Variants in SEC24A observed in about 807,000 individuals in gnomAD.
SEC24A encodes SEC24 homolog A, COPII component, also known as protein transport protein Sec24A.
SEC24A carries 93 observed loss-of-function variants against 129.4 expected under a neutral mutation model. The observed-to-expected ratio is 0.72, with a 90% confidence interval of 0.61 to 0.85. The LOEUF is 0.85. Among genes scored for constraint, SEC24A ranks in the 40% least tolerant of loss-of-function variants. The pLI is 0.00. For synonymous variants in SEC24A, 460 were observed against 467.3 expected, an observed-to-expected ratio of 0.98 and a Z score of 0.20; for missense variants, 1,264 against 1,307.4, an observed-to-expected ratio of 0.97 and a Z score of 0.51.
chr5:134,684,906 C>A (rs1418162189), intron 9 of SEC24A, among the ~76,000 whole-genome samples: 3 of 152,132 alleles, frequency 2.0e-5, no homozygotes, highest in African/African-American at 7.2e-5. Flanking sequence ...TAGAAACTTT[C>A]CTATAGCAGA....
intron 15 of SEC24A, among the ~76,000 whole-genome samples, chr5:134,700,179 C>G (rs1185763411): frequency 6.6e-6 from 1 of 151,614 alleles, no homozygotes; most frequent in Non-Finnish European, 1.5e-5. Flanking sequence ...AAATATTGCT[C>G]TGTAATGGGG....
intron 17 of SEC24A, among the ~76,000 whole-genome samples, chr5:134,706,910 C>T (rs989964191): frequency 2.0e-5 from 3 of 151,984 alleles, no homozygotes; most frequent in African/African-American, 4.8e-5. Flanking sequence ...AGGATGGTCT[C>T]AATCTCTTGA....
At chr5:134,705,091 T>TATATATATATA (rs1491338363) in intron 16 of SEC24A, among the ~76,000 whole-genome samples, 10 of 94,988 alleles carry the variant, frequency 1.1e-4, no homozygotes, top group East Asian at 4.7e-4. Context: ...TATATATATA[T>TATATATATATA]TTTTTTTTTT....
chr5:134,699,852 C>A (rs906104999), intron 15 of SEC24A, among the ~76,000 whole-genome samples: 1 of 151,966 alleles, frequency 6.6e-6, no homozygotes, highest in East Asian at 1.9e-4. Flanking sequence ...AGGTGCCTGA[C>A]ACTACGCCTG....
intron 1 of SEC24A, among the ~76,000 whole-genome samples, chr5:134,653,820 A>G (rs1356590724): frequency 6.6e-6 from 1 of 151,940 alleles, no homozygotes; most frequent in African/African-American, 2.4e-5. Flanking sequence ...ACAATTGCAC[A>G]ACTGCACTAC....
chr5:134,704,003 T>C, intron 16 of SEC24A, 71 bp downstream of exon 16: 2 of 989,692 alleles, frequency 2.0e-6, no homozygotes, highest in Non-Finnish European at 3.1e-6. Flanking sequence ...CAAAATGGGC[T>C]ATAAAATACA....
chr5:134,703,976 G>T, intron 16 of SEC24A, 44 bp downstream of exon 16: 1 of 1,358,234 alleles, frequency 7.4e-7, no homozygotes, highest in Non-Finnish European at 1.0e-6. Flanking sequence ...TTCAAATATT[G>T]TCTGGATTTC....
chr5:134,660,680 C>A (rs114212880), intron 1 of SEC24A, among the ~76,000 whole-genome samples: 2 of 151,740 alleles, frequency 1.3e-5, no homozygotes, highest in African/African-American at 4.8e-5. Flanking sequence ...CTCAGCCCCC[C>A]AAGTAGCTAA....
chr5:134,688,336 T>G (rs1380492723), intron 11 of SEC24A, 37 bp downstream of exon 11: 1 of 1,256,178 alleles, frequency 8.0e-7, no homozygotes, highest in South Asian at 1.2e-5. Flanking sequence ...AATTTTTCAG[T>G]TTTAGAAATA....
In SEC24A at chr5:134,648,892, G is replaced by T. The variant is rs117157231; in HGVS notation, c.-185G>T. 0.013 allele frequency: 6,422 copies of T among 476,722 alleles called. 67 individuals are homozygous for T. Among genetic ancestry groups the T allele is most frequent in the East Asian group, 0.021 (577 of 27,818 alleles). The allele number at this position is 476,722 out of a possible 1,614,324, so 29.5% of individuals were successfully genotyped here. ...TCTCAAGCCTCAGCTCCCAGGCTAG[G>T]CTGTGGCCGCCGGTGGCCTGGGGAG... is the stretch of plus-strand genomic sequence containing the variant. On this transcript the variant is annotated 5_prime_UTR_variant, in exon 1 of 23. Transcript: ENST00000398844.
intron 19 of SEC24A, among the ~76,000 whole-genome samples, chr5:134,715,911 G>A (rs930741559): frequency 6.6e-6 from 1 of 151,922 alleles, no homozygotes; most frequent in Non-Finnish European, 1.5e-5. Flanking sequence ...CTGGGGAATG[G>A]GGGTTTTTTG....
At chr5:134,690,879 G>T (rs1751622870) in intron 11 of SEC24A, among the ~76,000 whole-genome samples, 1 of 152,184 alleles carries the variant, frequency 6.6e-6, no homozygotes. Context: ...TTGTTGCCCA[G>T]GCTGCAGTGC....
intron 20 of SEC24A, among the ~76,000 whole-genome samples, chr5:134,720,393 T>C (rs1580744049): frequency 6.6e-6 from 1 of 152,222 alleles, no homozygotes; most frequent in East Asian, 1.9e-4. Context: ...CACTCTATGA[T>C]GTTCATACAG....
At chr5:134,692,806 C>A in intron 12 of SEC24A, 149 bp downstream of exon 12, 1 of 711,342 alleles carries the variant, frequency 1.4e-6, no homozygotes, top group Admixed American at 2.6e-5. Flanking sequence ...AGATGAACAG[C>A]TCTTGAGTTC....
chr5:134,690,800 C>T (rs1224655698), intron 11 of SEC24A, among the ~76,000 whole-genome samples: 4 of 152,146 alleles, frequency 2.6e-5, no homozygotes, highest in Non-Finnish European at 2.9e-5. Context: ...TTCTGATTCA[C>T]TTGATTTTGC....
intron 7 of SEC24A, among the ~76,000 whole-genome samples, chr5:134,679,272 C>T (rs566527186): frequency 3.1e-4 from 44 of 143,136 alleles, no homozygotes; most frequent in Non-Finnish European, 5.1e-4. Flanking sequence ...TTGCCCAGGC[C>T]GGTCTCAAAC....
chr5:134,693,142 C>T, intron 12 of SEC24A: 1 of 1,535,636 alleles, frequency 6.5e-7, no homozygotes, highest in South Asian at 1.2e-5. Context: ...TGTTGTCTAC[C>T]CTGTACATGC....
intron 1 of SEC24A, among the ~76,000 whole-genome samples, chr5:134,652,171 G>A (rs1201049591): frequency 1.3e-5 from 2 of 149,212 alleles, no homozygotes; most frequent in Non-Finnish European, 3.0e-5. Context: ...ATCCGCCCGC[G>A]TCGGCCTCCC....
chr5:134,692,710 GT>G, intron 12 of SEC24A, 53 bp downstream of exon 12: 1 of 1,061,444 alleles, frequency 9.4e-7, no homozygotes, highest in Admixed American at 2.0e-5. Context: ...GAAGGAATAT[GT>G]TTTTGAAATG....
Sources: allele counts gnomAD v4.1 joint callset (sites outside exome capture counted in the v4.1 genomes callset), GRCh38; gene constraint gnomAD v4.1.1; transcripts MANE v1.5; gene names NCBI Gene and HGNC (gene_info 2026-07-23, HGNC 2026-07-21).